The following CREBBP variants were observed in gnomAD, a reference collection of about 807,000 sequenced individuals.
CREBBP encodes CREB-binding protein.
Under a neutral mutation model 265.0 loss-of-function variants are expected in CREBBP, and 19 were observed. That is an observed-to-expected ratio of 0.07 (90% CI 0.05 to 0.11). The LOEUF (loss-of-function observed/expected upper bound fraction) is 0.11. Among genes scored for constraint, CREBBP ranks in the 10% least tolerant of loss-of-function variants. CREBBP has a pLI of 1.00. For missense variants in CREBBP, 2,525 were observed against 3,219.0 expected (o/e 0.78, Z 5.22); for synonymous variants, 1,457 against 1,223.7 (o/e 1.19, Z -3.98).
intron 3 of CREBBP, among the ~76,000 whole-genome samples, chr16:3,799,843 G>A (rs1274588518): frequency 6.6e-6 from 1 of 152,072 alleles, no homozygotes; most frequent in Non-Finnish European, 1.5e-5. Flanking sequence ...TGTTATTTAA[G>A]GCAACGAATT....
chr16:3,793,277 G>T, intron 4 of CREBBP, 109 bp downstream of exon 4: 2 of 1,464,030 alleles, frequency 1.4e-6, no homozygotes, highest in African/African-American at 1.4e-5. Context: ...CCCAATGGAA[G>T]GCAGCACTCA....
chr16:3,823,269 T>C (rs1468218000), intron 2 of CREBBP, among the ~76,000 whole-genome samples: 10 of 152,214 alleles, frequency 6.6e-5, no homozygotes, highest in African/African-American at 9.6e-5. Flanking sequence ...GTGCCCAAAA[T>C]GGCAAGACGA....
At position 3,777,618 on chromosome 16, in the gene CREBBP, G is replaced by T; in HGVS notation, c.2153C>A (p.Ser718Tyr). 1 of 1,614,142 alleles carries T rather than the reference G, an allele frequency of 6.2e-7. No individual in the cohort carries two copies. Among genetic ancestry groups the T allele is most frequent in the Non-Finnish European group, 8.5e-7 (1 of 1,180,028 alleles). Residue 718 changes from serine (S) to tyrosine (Y), a missense_variant, in exon 11 of 31, where the codon TCT (serine) becomes TAT (tyrosine). Coordinates refer to ENST00000262367, the MANE Select transcript of CREBBP (RefSeq NM_004380.3). ...CACCACAAACAGTTCAATACCTTGA[G>T]AAACTTGCATGCGATTCACTGGCAG... ...LSLPVNRMQV[S>Y]QGMNSFNPMS...
At chr16:3,795,470 G>A (rs1226764516) in intron 3 of CREBBP, among the ~76,000 whole-genome samples, 2 of 152,176 alleles carry the variant, frequency 1.3e-5, no homozygotes, top group East Asian at 3.9e-4. Flanking sequence ...TTTGCTTAGT[G>A]TTTTTTCCAT....
intron 22 of CREBBP, 127 bp from the exon 23 acceptor site, chr16:3,745,088 G>C (rs2052309677): frequency 2.2e-6 from 2 of 903,420 alleles, no homozygotes; most frequent in African/African-American, 1.7e-5. Flanking sequence ...AGAGTGAAGA[G>C]GCAGACTGCT....
chr16:3,871,112 AAGAG>A (rs1395203795), intron 1 of CREBBP, among the ~76,000 whole-genome samples: 1 of 151,864 alleles, frequency 6.6e-6, no homozygotes, highest in African/African-American at 2.4e-5. Flanking sequence ...AGAAAGAAAG[AAGAG>A]AGAAGAGAAA....
At chr16:3,754,097 G>A (rs1277336213) in intron 19 of CREBBP, among the ~76,000 whole-genome samples, 1 of 150,940 alleles carries the variant, frequency 6.6e-6, no homozygotes. Context: ...TCCCACCCTG[G>A]AAAATCCCAG....
Position 3,832,614 on chromosome 16 carries a change from G to A in CREBBP, c.798+17683C>T, listed in dbSNP as rs188938410. ...GCTTGTTACTGTGCTGAATACTGGAGGCAACTGTAACAAAATTGTAAGTAT... is the reference window on the plus strand; with the variant it reads ...GCTTGTTACTGTGCTGAATACTGGAAGCAACTGTAACAAAATTGTAAGTAT... On this transcript the variant is annotated intron_variant, in intron 2 of 30. Coordinates refer to ENST00000262367, the MANE Select transcript of CREBBP (RefSeq NM_004380.3). Among the ~76,000 whole-genome samples, 9 of 152,234 alleles carry A rather than the reference G, an allele frequency of 5.9e-5. No individual in the cohort carries two copies. In the East Asian group the frequency reaches 9.6e-4, roughly 16 times the overall value.
At chr16:3,845,422 A>G (rs964314492) in intron 2 of CREBBP, among the ~76,000 whole-genome samples, 5 of 152,308 alleles carry the variant, frequency 3.3e-5, no homozygotes, top group Middle Eastern at 3.4e-3. Context: ...CCCAAATCCT[A>G]TATGTTTGAA....
chr16:3,833,040 A>ATAC (rs2054373171), intron 2 of CREBBP, among the ~76,000 whole-genome samples: 1 of 152,244 alleles, frequency 6.6e-6, no homozygotes, highest in Non-Finnish European at 1.5e-5. Context: ...AACTAACATT[A>ATAC]TACTTAACGA....
chr16:3,801,385 G>A (rs187205400), intron 3 of CREBBP, among the ~76,000 whole-genome samples: 9 of 152,302 alleles, frequency 5.9e-5, no homozygotes, highest in Admixed American at 5.9e-4. Context: ...AAAGGACAGG[G>A]TGGGCTGGGT....
intron 1 of CREBBP, among the ~76,000 whole-genome samples, chr16:3,859,627 T>G (rs958787746): frequency 1.3e-5 from 2 of 152,132 alleles, no homozygotes; most frequent in Non-Finnish European, 2.9e-5. Context: ...CATCCTTAAT[T>G]TCCAGGGAAG....
At chr16:3,837,880 TG>T (rs777641752) in intron 2 of CREBBP, among the ~76,000 whole-genome samples, 33 of 152,222 alleles carry the variant, frequency 2.2e-4, no homozygotes, top group Admixed American at 7.2e-4. Context: ...TCTATAGCAG[TG>T]TACAGCAACG....
chr16:3,844,508 A>AC (rs1410618805), intron 2 of CREBBP, among the ~76,000 whole-genome samples: 1 of 152,228 alleles, frequency 6.6e-6, no homozygotes, highest in Non-Finnish European at 1.5e-5. Flanking sequence ...ATTATGCCCC[A>AC]ATTTTAAAAG....
At chr16:3,764,572 A>C (rs1464489671) in intron 16 of CREBBP, among the ~76,000 whole-genome samples, 1 of 151,464 alleles carries the variant, frequency 6.6e-6, no homozygotes, top group African/African-American at 2.4e-5. Context: ...CACTGTGTCC[A>C]CTCATTTCTT....
intron 1 of CREBBP, 142 bp from the exon 2 acceptor site, chr16:3,851,151 G>A: frequency 1.4e-6 from 1 of 737,820 alleles, no homozygotes; most frequent in Admixed American, 2.1e-5. Context: ...AGCTGGGTGT[G>A]GTAGCGCATG....
intron 11 of CREBBP, among the ~76,000 whole-genome samples, chr16:3,775,057 C>T (rs1422500923): frequency 2.0e-5 from 3 of 152,026 alleles, no homozygotes; most frequent in Non-Finnish European, 4.4e-5. Flanking sequence ...GAGGAGGTGC[C>T]CTGAAAGGAC....
At chr16:3,852,161 T>TG (rs1040808028) in intron 1 of CREBBP, among the ~76,000 whole-genome samples, 5 of 100,616 alleles carry the variant, frequency 5.0e-5, no homozygotes, top group African/African-American at 7.7e-5. Flanking sequence ...AAATTTGTTT[T>TG]TTTTTTTTTT....
At chr16:3,819,187 C>T (rs1351147756) in intron 2 of CREBBP, among the ~76,000 whole-genome samples, 1 of 152,248 alleles carries the variant, frequency 6.6e-6, no homozygotes, top group East Asian at 1.9e-4. Context: ...ATAGAGGCAA[C>T]ATGCCATTGC....
Sources: allele counts gnomAD v4.1 joint callset (sites outside exome capture counted in the v4.1 genomes callset), GRCh38; gene constraint gnomAD v4.1.1; transcripts MANE v1.5; gene names NCBI Gene and HGNC (gene_info 2026-07-23, HGNC 2026-07-21).